Variants in TBC1D26 observed in about 807,000 individuals in gnomAD.
TBC1D26 encodes TBC1 domain family, member 26.
A neutral mutation model predicts 42.5 loss-of-function variants in TBC1D26; 19 were observed. That is an observed-to-expected ratio of 0.45 (90% CI 0.31 to 0.66). The LOEUF (loss-of-function observed/expected upper bound fraction) is 0.66. Ranked by LOEUF, TBC1D26 falls within the 30% of genes least tolerant of loss-of-function variation. TBC1D26 has a pLI of 0.06. For missense variants in TBC1D26, 228 were observed against 332.6 expected, an observed-to-expected ratio of 0.69 and a Z score of 2.45; for synonymous variants, 97 against 123.5, an observed-to-expected ratio of 0.79 and a Z score of 1.42.
At chr17:15,740,210 C>T (rs778015079) in intron 9 of TBC1D26, 62 bp downstream of exon 9, 23 of 1,613,912 alleles carry the variant, frequency 1.4e-5, no homozygotes, top group Non-Finnish European at 1.9e-5. Context: ...GCATGGGTGT[C>T]TCTTGGGGGT....
chr17:15,741,004 C>T, intron 9 of TBC1D26, 118 bp from the exon 10 acceptor site: 1 of 1,376,724 alleles, frequency 7.3e-7, no homozygotes, highest in African/African-American at 1.4e-5. Context: ...CCTCAAATCC[C>T]CTGGGGCCTG....
intron 11 of TBC1D26, 120 bp downstream of exon 11, chr17:15,742,156 TG>T: frequency 1.2e-6 from 1 of 806,300 alleles, no homozygotes; most frequent in South Asian, 1.8e-5. Flanking sequence ...TGACCTGGGA[TG>T]GGGATTCCCC....
At chr17:15,736,787 T>A (rs1222605562) in intron 4 of TBC1D26, among the ~76,000 whole-genome samples, 8 of 152,266 alleles carry the variant, frequency 5.3e-5, no homozygotes, top group Non-Finnish European at 1.0e-4. Flanking sequence ...GGCAGCCCAG[T>A]CAGAGAGTGG....
intron 2 of TBC1D26, 58 bp downstream of exon 2, chr17:15,735,128 G>A (rs1169581579): frequency 6.6e-6 from 4 of 604,468 alleles, no homozygotes; most frequent in Non-Finnish European, 1.2e-5. Flanking sequence ...AGGTTCCCGT[G>A]TGCTCAAATC....
At chr17:15,743,235 G>C in intron 13 of TBC1D26, 132 bp from the exon 14 acceptor site, 1 of 233,972 alleles carries the variant, frequency 4.3e-6, no homozygotes, top group Non-Finnish European at 7.0e-6. Context: ...AGCCTCCTGT[G>C]CACAGCTGAA....
chr17:15,738,409 C>T, intron 7 of TBC1D26, 22 bp downstream of exon 7: 1 of 1,610,646 alleles, frequency 6.2e-7, no homozygotes, highest in Non-Finnish European at 8.5e-7. Context: ...CCACACTCAG[C>T]TAGGAGTACA....
At position 15,741,878 on chromosome 17, in the gene TBC1D26, C is replaced by G. The variant is rs189760905; in HGVS notation, c.647-64C>G. 2.6e-3 allele frequency: 3,972 copies of G among 1,551,744 alleles called. 7 individuals carry two copies. The highest frequency in any genetic ancestry group is 3.2e-3 in the Non-Finnish European group (3,651 of 1,130,016). On this transcript the variant is annotated intron_variant, in intron 10 of 14. Coordinates refer to ENST00000437605, the MANE Select transcript of TBC1D26 (RefSeq NM_001388465.1). ...GGGTCCCCTGCCCTGCCCAGCTCTT[C>G]CAGCTGATGCCTCCACATTTTGGGC...
At chr17:15,740,070 A>G (rs202103205) in intron 8 of TBC1D26, 30 bp from the exon 9 acceptor site, 21 of 1,598,162 alleles carry the variant, frequency 1.3e-5, no homozygotes, top group Non-Finnish European at 1.6e-5. Context: ...ACACACACAA[A>G]AAAAAAACCC....
At chr17:15,734,450 G>T (rs187428375) in intron 1 of TBC1D26, among the ~76,000 whole-genome samples, 3 of 151,830 alleles carry the variant, frequency 2.0e-5, no homozygotes, top group Non-Finnish European at 2.9e-5. Flanking sequence ...GGAGTGCGGT[G>T]GGGAGCCCTC....
chr17:15,741,595 AC>A, intron 10 of TBC1D26: 1 of 460,876 alleles, frequency 2.2e-6, no homozygotes, highest in Non-Finnish European at 3.9e-6. Flanking sequence ...AGATGGGCCA[AC>A]AAAGCCAAGA....
chr17:15,741,046 C>T, intron 9 of TBC1D26, 76 bp from the exon 10 acceptor site: 6 of 1,582,776 alleles, frequency 3.8e-6, no homozygotes, highest in Non-Finnish European at 5.1e-6. Flanking sequence ...TGTGCCACCT[C>T]TGGTGACATA....
Position 15,740,820 on chromosome 17 carries a change from C to T in TBC1D26, c.547-302C>T, listed in dbSNP as rs528101881. On this transcript the variant is annotated intron_variant, in intron 9 of 14. Coordinates refer to ENST00000437605, the MANE Select transcript of TBC1D26 (RefSeq NM_001388465.1). The stretch of plus-strand genomic sequence containing the variant: ...TGCTGCCCCAGGCCTGGCACAGTGG[C>T]CTCCCCAGCCTGGCCCAGGGGAGGG... The T allele has an allele frequency of 6.0e-6, 4 of 670,192 alleles. No individual in the cohort carries two copies. The East Asian group carries it at 2.2e-4, about 36-fold the overall frequency. The allele number at this position is 670,192 out of a possible 1,614,324, so 41.5% of individuals were successfully genotyped here. A position where few individuals can be genotyped will look rare whatever the true frequency, so the allele number is the denominator to read the frequency against.
Position 15,738,823 on chromosome 17 carries a change from G to T in TBC1D26, c.490G>T (p.Gly164Ter), listed in dbSNP as rs749678463. 1.1e-5 allele frequency: 18 copies of T among 1,613,190 alleles called. No homozygotes were observed. Among genetic ancestry groups the T allele is most frequent in the Non-Finnish European group, 1.5e-5 (18 of 1,179,838 alleles). The change falls in exon 8 of 15, where the codon GGA (glycine) becomes TGA (stop). Residue 164 changes from glycine to a stop codon, truncating the protein, a stop_gained. Coordinates refer to ENST00000437605, the MANE Select transcript of TBC1D26 (RefSeq NM_001388465.1). LOFTEE classifies it high-confidence loss of function. ...ACACATGATGTTCATACAAAGATTCGGAGTCAAGTAAGGCCAATGGGGCTT... is the reference window on the plus strand; with the variant it reads ...ACACATGATGTTCATACAAAGATTCTGAGTCAAGTAAGGCCAATGGGGCTT... ...QKHMMFIQRF[G>*]VKQQELCDIL... is the part of the protein sequence containing the mutation.
chr17:15,738,910 C>T, intron 8 of TBC1D26, 80 bp downstream of exon 8: 4 of 1,596,996 alleles, frequency 2.5e-6, no homozygotes, highest in South Asian at 2.2e-5. Context: ...GGGCAGAGGC[C>T]AGGGTCACCC....
At position 15,741,188 on chromosome 17, in the gene TBC1D26, G is replaced by T. The variant is rs1464201277; in HGVS notation, c.613G>T (p.Asp205Tyr). The T allele has an allele frequency of 6.2e-7, 1 of 1,613,776 alleles. No individual in the cohort carries two copies. ...CCTCCTCCTGTGTCTGCCAGAGGAA[G>T]ATGCTTTCTGGGCGCTTACCCAGTT... Reference protein sequence around the residue: ...AILLLCLPEEDAFWALTQLLA... With the variant: ...AILLLCLPEEYAFWALTQLLA... Residue 205 changes from aspartate (D) to tyrosine (Y), a missense_variant, in exon 10 of 15, where the codon GAT becomes TAT. Around this residue, in one of 5 missense-constraint regions of TBC1D26, gnomAD observed 130 missense variants for 168.5 expected, o/e 0.77. Coordinates refer to ENST00000437605, the MANE Select transcript of TBC1D26 (RefSeq NM_001388465.1).
Position 15,738,403 on chromosome 17 carries a change from A to C in TBC1D26, c.387+16A>C. 6.2e-7 allele frequency: 1 copy of C among 1,612,164 alleles called. No individual in the cohort carries two copies. The highest frequency in any genetic ancestry group is 2.3e-5 in the East Asian group (1 of 44,398). ...CAAATATAAGGTAAGTCCCTCCCACACTCAGCTAGGAGTACAAACAAGCTA... is the reference window on the plus strand; with the variant it reads ...CAAATATAAGGTAAGTCCCTCCCACCCTCAGCTAGGAGTACAAACAAGCTA... On this transcript the variant is annotated intron_variant, in intron 7 of 14. Transcript: ENST00000437605.
intron 1 of TBC1D26, chr17:15,733,653 A>T (rs1199772015): frequency 6.6e-6 from 1 of 152,274 alleles, no homozygotes; most frequent in African/African-American, 2.4e-5. Context: ...GCTCGTGCAC[A>T]CACATGTTCA....
intron 12 of TBC1D26, among the ~76,000 whole-genome samples, 169 bp from the exon 13 acceptor site, chr17:15,742,740 G>A (rs111266641): frequency 0.024 from 3,607 of 152,316 alleles, 69 homozygotes; most frequent in Middle Eastern, 0.037. Context: ...GTTGAGATGA[G>A]TCCCTCACAA....
chr17:15,735,253 A>G (rs1270748331), intron 2 of TBC1D26, 95 bp from the exon 3 acceptor site: 11 of 1,116,840 alleles, frequency 9.8e-6, no homozygotes, highest in Non-Finnish European at 1.3e-5. Flanking sequence ...GGGGCTCACC[A>G]GACTGGAGTG....
Sources: gnomAD v4.1 joint callset for allele counts (sites outside exome capture counted in the v4.1 genomes callset) on GRCh38, gnomAD v4.1.1 for gene constraint, gnomAD v4.1.1 regional missense constraint, MANE v1.5 for transcripts, NCBI Gene and HGNC (gene_info 2026-07-23, HGNC 2026-07-21) for gene names.